ELOVL5: variants seen among roughly 807,000 people sequenced by gnomAD.
ELOVL5 encodes very long chain fatty acid elongase 5.
A neutral mutation model predicts 38.6 loss-of-function variants in ELOVL5; 8 were observed. That is an observed-to-expected ratio of 0.21 (90% confidence interval 0.12 to 0.37). The LOEUF is 0.37. Ranked by LOEUF, ELOVL5 falls within the 10% of genes least tolerant of loss-of-function variation. ELOVL5 has a pLI of 1.00. For synonymous variants in ELOVL5, 127 were observed against 133.7 expected, an observed-to-expected ratio of 0.95 and a Z score of 0.34; for missense variants, 280 against 367.8, an observed-to-expected ratio of 0.76 and a Z score of 1.95.
intron 1 of ELOVL5, among the ~76,000 whole-genome samples, chr6:53,323,825 C>A (rs1768396231): frequency 6.6e-6 from 1 of 152,160 alleles, no homozygotes; most frequent in Admixed American, 6.5e-5. Context: ...ATCTGACCGA[C>A]CATCGGGCCA....
At chr6:53,284,610 A>T (rs1166167055) in intron 3 of ELOVL5, among the ~76,000 whole-genome samples, 1 of 152,224 alleles carries the variant, frequency 6.6e-6, no homozygotes, top group Non-Finnish European at 1.5e-5. Flanking sequence ...AAGTACAGGC[A>T]TACCTCATCT....
At chr6:53,277,351 G>A (rs1185627066) in intron 3 of ELOVL5, among the ~76,000 whole-genome samples, 1 of 152,056 alleles carries the variant, frequency 6.6e-6, no homozygotes, top group Non-Finnish European at 1.5e-5. Context: ...AAAGCACTGA[G>A]AGTTAACAGG....
At chr6:53,294,190 T>C in intron 2 of ELOVL5, 2 of 1,468,210 alleles carry the variant, frequency 1.4e-6, no homozygotes, top group Non-Finnish European at 1.8e-6. Context: ...CGCACAGTGC[T>C]TCCCGGGCAC....
At chr6:53,344,206 G>A (rs2127595935) in intron 1 of ELOVL5, among the ~76,000 whole-genome samples, 1 of 152,310 alleles carries the variant, frequency 6.6e-6, no homozygotes, top group South Asian at 2.1e-4. Context: ...TATCTATCTA[G>A]GCTGTGGGGC....
intron 1 of ELOVL5, among the ~76,000 whole-genome samples, chr6:53,303,201 G>C (rs1250628127): frequency 6.6e-6 from 1 of 152,202 alleles, no homozygotes; most frequent in Non-Finnish European, 1.5e-5. Context: ...CCTTGCTGAG[G>C]AATGTTAAAA....
At chr6:53,347,028 CAAGGAAATTGA>C (rs1769576142) in intron 1 of ELOVL5, among the ~76,000 whole-genome samples, 1 of 152,136 alleles carries the variant, frequency 6.6e-6, no homozygotes, top group Non-Finnish European at 1.5e-5. Flanking sequence ...CATGTATAGA[CAAGGAAATTGA>C]GTCAAGGAGG....
Position 53,275,261 on chromosome 6 carries a change from T to G in ELOVL5, c.325A>C (p.Ile109Leu), listed in dbSNP as rs558953131. 43 of 1,613,856 alleles carry G rather than the reference T, an allele frequency of 2.7e-5. No homozygotes were observed. Among genetic ancestry groups the G allele is most frequent in the Non-Finnish European group, 3.3e-5 (39 of 1,179,876 alleles). ...TAGTACCACCAGAGGACACGGATAATCTAAGAGGAAAGGGTCAAAGATTTA... is the reference window on the plus strand; with the variant it reads ...TAGTACCACCAGAGGACACGGATAAGCTAAGAGGAAAGGGTCAAAGATTTA... ...TRTAGESDMK[I>L]IRVLWWYYFS... The change falls in exon 5 of 8, where the codon ATT (isoleucine) becomes CTT (leucine). Residue 109 changes from isoleucine (I) to leucine (L), a missense_variant and splice_region_variant. Physicochemically the swap from Ile to Leu is conservative, Grantham distance 5. Around this residue, in one of 3 missense-constraint regions of ELOVL5, gnomAD observed 150 missense variants for 178.0 expected, o/e 0.84. Transcript: ENST00000304434.
At chr6:53,307,238 G>A (rs1018743757) in intron 1 of ELOVL5, among the ~76,000 whole-genome samples, 3 of 152,202 alleles carry the variant, frequency 2.0e-5, no homozygotes, top group Non-Finnish European at 4.4e-5. Flanking sequence ...GACATCTGTG[G>A]CTCAACCACT....
intron 1 of ELOVL5, among the ~76,000 whole-genome samples, chr6:53,343,853 T>C (rs1171392716): frequency 6.6e-6 from 1 of 152,242 alleles, no homozygotes; most frequent in Admixed American, 6.5e-5. Context: ...TTAATAACTA[T>C]CATGGGAGCA....
chr6:53,286,820 T>C (rs569346951), intron 3 of ELOVL5, among the ~76,000 whole-genome samples: 1 of 152,340 alleles, frequency 6.6e-6, no homozygotes, highest in Non-Finnish European at 1.5e-5. Flanking sequence ...GTATGGTTTT[T>C]AAAAACTATC....
rs1286818902 is a variant in ELOVL5 at position 53,269,196 on chromosome 6, C to T, written c.831G>A (p.Val277=). The T allele has an allele frequency of 6.2e-7, 1 of 1,614,036 alleles. No individual in the cohort carries two copies. The highest frequency in any genetic ancestry group is 8.5e-7 in the Non-Finnish European group (1 of 1,179,910). ...KDHQNGSMAA[V]NGHTNSFSPL... ...GTGAAAAGCTGTTGGTGTGTCCATT[C>T]ACAGCAGCCATGGACCCATTCTGGT... Residue 277 remains valine (V), a synonymous_variant, in exon 8 of 8, where the codon GTG becomes GTA. Coordinates refer to ENST00000304434, the MANE Select transcript of ELOVL5 (RefSeq NM_021814.5).
In ELOVL5 at chr6:53,285,435, T is replaced by A. The variant is rs78262055; in HGVS notation, c.246+6341A>T. On this transcript the variant is annotated intron_variant, in intron 3 of 7. Transcript: ENST00000304434. ...CTTGAAAATAGCAGAGGATAGCTCA[T>A]AAGGTTTAAGGGAAGAAGTCATCTC... Among the ~76,000 whole-genome samples, 13 of 152,232 alleles carry A rather than the reference T, an allele frequency of 8.5e-5. No homozygotes were observed. The East Asian group carries it at 2.5e-3, about 29-fold the overall frequency.
chr6:53,340,422 G>A (rs562712206), intron 1 of ELOVL5, among the ~76,000 whole-genome samples: 1 of 152,122 alleles, frequency 6.6e-6, no homozygotes, highest in South Asian at 2.1e-4. Context: ...TGTAGCCTAA[G>A]TATACAGTGT....
rs1217038962 is a variant in ELOVL5 at position 53,273,727 on chromosome 6, G to C, written c.497-383C>G. Among the ~76,000 whole-genome samples the C allele has an allele frequency of 3.3e-5, 5 of 152,218 alleles. No individual in the cohort carries two copies. The South Asian group carries it at 1.0e-3, about 32-fold the overall frequency. ...TGAAGGCTGTGGAAGACAGCTGATG[G>C]GCAATATGCTCAAAAATGGTTGTTT... On this transcript the variant is annotated intron_variant, in intron 5 of 7. Coordinates refer to ENST00000304434, the MANE Select transcript of ELOVL5 (RefSeq NM_021814.5).
chr6:53,299,230 A>G (rs187090365), intron 1 of ELOVL5, among the ~76,000 whole-genome samples: 208 of 152,202 alleles, frequency 1.4e-3, no homozygotes, highest in African/African-American at 4.3e-3. Context: ...ACAAAATTCA[A>G]ACAAAAGTAT....
chr6:53,301,995 C>G (rs561928264), intron 1 of ELOVL5, among the ~76,000 whole-genome samples: 1 of 152,282 alleles, frequency 6.6e-6, no homozygotes, highest in Admixed American at 6.5e-5. Context: ...CTCACCCCCA[C>G]CACCATGGAT....
chr6:53,291,698 C>T, intron 3 of ELOVL5, 78 bp downstream of exon 3: 1 of 1,270,152 alleles, frequency 7.9e-7, no homozygotes, highest in Non-Finnish European at 1.1e-6. Flanking sequence ...GCCACCTTTC[C>T]TCATTTAGGA....
chr6:53,324,689 A>AC (rs1768454926), intron 1 of ELOVL5, among the ~76,000 whole-genome samples: 2 of 139,874 alleles, frequency 1.4e-5, no homozygotes, highest in East Asian at 4.3e-4. Flanking sequence ...AAAAAAAAAA[A>AC]AAGGAAAAGA....
In ELOVL5 at chr6:53,294,565, G is replaced by A. The variant is rs531853069; in HGVS notation, c.58+1077C>T. ...ATCATACAGTCCCTGAAATAACTAC[G>A]GAATTGCTCCACCTGGTAATGCAAG... On this transcript the variant is annotated intron_variant, in intron 2 of 7. Transcript: ENST00000304434. The A allele has an allele frequency of 1.9e-5, 28 of 1,442,194 alleles. No homozygotes were observed. The East Asian group carries it at 5.0e-4, about 26-fold the overall frequency. The allele number at this position is 1,442,194 out of a possible 1,614,324, so 89.3% of individuals were successfully genotyped here.
Sources: allele counts gnomAD v4.1 joint callset (sites outside exome capture counted in the v4.1 genomes callset), GRCh38; gene constraint gnomAD v4.1.1; regional missense constraint gnomAD v4.1.1; transcripts MANE v1.5; gene names NCBI Gene and HGNC (gene_info 2026-07-23, HGNC 2026-07-21).